Variants in RBFOX1 observed in about 807,000 individuals in gnomAD.
The protein encoded by RBFOX1 is RNA binding protein fox-1 homolog 1.
RBFOX1 carries 8 observed loss-of-function variants against 57.7 expected under a neutral mutation model. That is an observed-to-expected ratio of 0.14 (90% CI 0.08 to 0.25). The LOEUF is 0.25. Among genes scored for constraint, RBFOX1 ranks in the 10% least tolerant of loss-of-function variants. RBFOX1 has a pLI of 1.00. For synonymous variants in RBFOX1, 326 were observed against 222.4 expected, an observed-to-expected ratio of 1.47 and a Z score of -4.15; for missense variants, 611 against 548.5, an observed-to-expected ratio of 1.11 and a Z score of -1.14.
chr16:7,224,846 C>A (rs1207367025), intron 4 of RBFOX1, among the ~76,000 whole-genome samples: 2 of 152,182 alleles, frequency 1.3e-5, no homozygotes, highest in Admixed American at 1.3e-4. Flanking sequence ...GTTCCAGACA[C>A]ACCTACTGGA....
intron 2 of RBFOX1, among the ~76,000 whole-genome samples, chr16:6,466,370 C>A (rs568059332): frequency 1.3e-5 from 2 of 152,186 alleles, no homozygotes; most frequent in African/African-American, 4.8e-5. Context: ...GTGCGAGGTA[C>A]TTTCCCATAT....
chr16:5,988,576 C>T (rs940863532), intron 4 of RBFOX1, among the ~76,000 whole-genome samples: 2 of 152,124 alleles, frequency 1.3e-5, no homozygotes, highest in Admixed American at 6.5e-5. Context: ...CCCTGCTTGG[C>T]GGCATGAGCC....
chr16:6,640,444 G>C (rs568898892), intron 2 of RBFOX1, among the ~76,000 whole-genome samples: 19 of 151,914 alleles, frequency 1.3e-4, no homozygotes, highest in Non-Finnish European at 1.5e-4. Context: ...CCCCATGTCT[G>C]CTAAAAATGC....
At chr16:6,069,265 G>C (rs1374945049) in intron 1 of RBFOX1, among the ~76,000 whole-genome samples, 1 of 152,032 alleles carries the variant, frequency 6.6e-6, no homozygotes, top group Non-Finnish European at 1.5e-5. Context: ...GGGCGTAGGG[G>C]CACATACCTG....
chr16:7,195,789 G>C (rs2086555472), intron 4 of RBFOX1, among the ~76,000 whole-genome samples: 1 of 152,144 alleles, frequency 6.6e-6, no homozygotes, highest in Non-Finnish European at 1.5e-5. Context: ...CTGACCTCAG[G>C]TAATCTGCCT....
chr16:5,729,684 A>T (rs1193660354), intron 3 of RBFOX1, among the ~76,000 whole-genome samples: 1 of 152,072 alleles, frequency 6.6e-6, no homozygotes, highest in Non-Finnish European at 1.5e-5. Context: ...CCACTCAGGT[A>T]TTTGGGTAGG....
At chr16:5,964,369 A>G (rs1429591362) in intron 4 of RBFOX1, among the ~76,000 whole-genome samples, 1 of 152,202 alleles carries the variant, frequency 6.6e-6, no homozygotes, top group Non-Finnish European at 1.5e-5. Context: ...TAGAGCTACC[A>G]TATGACCCAA....
intron 1 of RBFOX1, among the ~76,000 whole-genome samples, chr16:6,257,753 C>T (rs944935038): frequency 6.6e-6 from 1 of 152,128 alleles, no homozygotes; most frequent in Non-Finnish European, 1.5e-5. Flanking sequence ...AGGACATGAT[C>T]ATGTTCTTTT....
intron 2 of RBFOX1, among the ~76,000 whole-genome samples, chr16:5,473,061 C>T (rs1187790474): frequency 6.6e-6 from 1 of 152,192 alleles, no homozygotes; most frequent in East Asian, 1.9e-4. Flanking sequence ...GAGCTGATGT[C>T]CCTCCTCCCG....
intron 3 of RBFOX1, among the ~76,000 whole-genome samples, chr16:6,922,197 G>C (rs776703587): frequency 3.9e-5 from 6 of 152,080 alleles, no homozygotes; most frequent in Non-Finnish European, 7.4e-5. Flanking sequence ...GCAATTCAGT[G>C]GTTCTTGCTA....
At chr16:6,289,529 A>T (rs1275929459) in intron 1 of RBFOX1, among the ~76,000 whole-genome samples, 1 of 152,164 alleles carries the variant, frequency 6.6e-6, no homozygotes, top group South Asian at 2.1e-4. Flanking sequence ...TTACAGAACC[A>T]TAGCTATTCA....
chr16:7,611,845 A>C (rs2057531473), intron 10 of RBFOX1, among the ~76,000 whole-genome samples: 1 of 152,180 alleles, frequency 6.6e-6, no homozygotes, highest in African/African-American at 2.4e-5. Context: ...ACTTATAAAA[A>C]TCTTTCTAAA....
chr16:6,878,691 CAG>C (rs1335692705), intron 3 of RBFOX1, among the ~76,000 whole-genome samples: 1 of 152,074 alleles, frequency 6.6e-6, no homozygotes, highest in Non-Finnish European at 1.5e-5. Flanking sequence ...CAGCAAGAAA[CAG>C]AAAGTAACAG....
At chr16:5,751,468 G>T (rs549958520) in intron 3 of RBFOX1, among the ~76,000 whole-genome samples, 8 of 152,302 alleles carry the variant, frequency 5.3e-5, no homozygotes, top group Non-Finnish European at 1.0e-4. Context: ...GTAGACTTCT[G>T]CTTAAAATCA....
chr16:6,927,341 A>C (rs931957285), intron 3 of RBFOX1, among the ~76,000 whole-genome samples: 1 of 140,530 alleles, frequency 7.1e-6, no homozygotes, highest in African/African-American at 2.6e-5. Flanking sequence ...GGAACCCGGG[A>C]GGCAGAGGTT....
intron 3 of RBFOX1, among the ~76,000 whole-genome samples, chr16:5,815,579 A>C (rs1293685949): frequency 6.6e-6 from 1 of 152,214 alleles, no homozygotes; most frequent in Non-Finnish European, 1.5e-5. Context: ...GGAGCTGAAG[A>C]GAACAAAGTG....
At chr16:6,012,289 G>A (rs2094965968) in intron 4 of RBFOX1, among the ~76,000 whole-genome samples, 1 of 152,208 alleles carries the variant, frequency 6.6e-6, no homozygotes, top group Non-Finnish European at 1.5e-5. Context: ...TAGACCTAGT[G>A]CCTAGTGCAT....
chr16:6,220,873 A>G (rs1000569481), intron 1 of RBFOX1, among the ~76,000 whole-genome samples: 1 of 152,172 alleles, frequency 6.6e-6, no homozygotes, highest in Non-Finnish European at 1.5e-5. Flanking sequence ...TTTAAAATAA[A>G]CATTGTCCTA....
At chr16:5,457,350 G>C (rs2068661331) in intron 1 of RBFOX1, among the ~76,000 whole-genome samples, 1 of 152,164 alleles carries the variant, frequency 6.6e-6, no homozygotes, top group African/African-American at 2.4e-5. Context: ...GGCCAGGCTG[G>C]TCTCGAACTT....
Sources: allele counts gnomAD v4.1 joint callset (sites outside exome capture counted in the v4.1 genomes callset), GRCh38; gene constraint gnomAD v4.1.1; transcripts MANE v1.5; gene names NCBI Gene and HGNC (gene_info 2026-07-23, HGNC 2026-07-21).